CD2AP: variants seen among roughly 807,000 people sequenced by gnomAD.
CD2AP encodes the protein CD2 associated protein.
Under a neutral mutation model 85.1 loss-of-function variants are expected in CD2AP, and 46 were observed. The ratio of observed to expected loss-of-function variants is 0.54; its 90% CI spans 0.43 to 0.69. The LOEUF (loss-of-function observed/expected upper bound fraction) is 0.69. Among genes scored for constraint, CD2AP ranks in the 30% least tolerant of loss-of-function variants. The probability of loss-of-function intolerance (pLI) is 0.00; values close to 1 mark genes in which losing one functional copy is unlikely to be tolerated. For synonymous variants in CD2AP, 255 were observed against 252.9 expected, an observed-to-expected ratio of 1.01 and a Z score of -0.08; for missense variants, 769 against 729.5, an observed-to-expected ratio of 1.05 and a Z score of -0.62.
chr6:47,552,798 CTG>C (rs1767563214), intron 4 of CD2AP, among the ~76,000 whole-genome samples: 1 of 152,100 alleles, frequency 6.6e-6, no homozygotes, highest in African/African-American at 2.4e-5. Flanking sequence ...TTCTTTAAGT[CTG>C]ATAAAAATTC....
chr6:47,517,537 G>A (rs1256837893), intron 2 of CD2AP, among the ~76,000 whole-genome samples: 1 of 152,086 alleles, frequency 6.6e-6, no homozygotes, highest in Non-Finnish European at 1.5e-5. Context: ...TGATATGCCT[G>A]CCTTGACCTC....
intron 2 of CD2AP, among the ~76,000 whole-genome samples, chr6:47,505,843 C>G (rs1323877563): frequency 5.8e-3 from 666 of 113,948 alleles, no homozygotes; most frequent in Admixed American, 0.024. Flanking sequence ...GCTGTCCGGG[C>G]GGGGGGGCTG....
At position 47,533,666 on chromosome 6, in the gene CD2AP, A is replaced by G; in HGVS notation, c.230A>G (p.Asn77Ser). 3 of 1,614,142 alleles carry G rather than the reference A, an allele frequency of 1.9e-6. No individual in the cohort carries two copies. The highest frequency in any genetic ancestry group is 2.5e-6 in the Non-Finnish European group (3 of 1,179,998). ...SLPIKRERHG[N>S]VASLVQRIST... ...CCCATCAAACGGGAAAGGCATGGGA[A>G]TGTAGCAAGTCTTGTACAACGAATA... The change falls in exon 3 of 18, where the codon AAT (asparagine) becomes AGT (serine). Residue 77 changes from asparagine to serine, a missense_variant. Transcript: ENST00000359314.
chr6:47,520,291 A>T (rs567531431), intron 2 of CD2AP, among the ~76,000 whole-genome samples: 105 of 152,310 alleles, frequency 6.9e-4, no homozygotes, highest in African/African-American at 2.4e-3. Flanking sequence ...TATAACAGTC[A>T]ATATTGGTTG....
intron 17 of CD2AP, among the ~76,000 whole-genome samples, chr6:47,618,287 TCCAG>T (rs1370545768): frequency 6.6e-6 from 1 of 152,096 alleles, no homozygotes; most frequent in African/African-American, 2.4e-5. Context: ...GCCACTGCAC[TCCAG>T]CCTGGGTGAC....
chr6:47,478,119 T>G lies in CD2AP; in HGVS notation c.-126T>G. 2 of 1,268,788 alleles carry G rather than the reference T, an allele frequency of 1.6e-6. No homozygotes were observed. The highest frequency in any genetic ancestry group is 2.2e-6 in the Non-Finnish European group (2 of 894,380). The allele number at this position is 1,268,788 out of a possible 1,614,324, so 78.6% of individuals were successfully genotyped here. On this transcript the variant is annotated 5_prime_UTR_variant, in exon 1 of 18. The change abolishes the stop of an existing upstream ORF in the 5' untranslated region. Coordinates refer to ENST00000359314, the MANE Select transcript of CD2AP (RefSeq NM_012120.3). ...GATGGAGGCGACTCTTCGCCCCGCC[T>G]GAGCTCAGGAGGGGCTAGCGCGGAG...
chr6:47,504,243 C>T (rs1028804981), intron 2 of CD2AP, among the ~76,000 whole-genome samples: 12 of 152,238 alleles, frequency 7.9e-5, no homozygotes, highest in African/African-American at 2.7e-4. Context: ...TCCCTGGCCT[C>T]ATTAGATTAT....
chr6:47,488,139 T>A (rs1397166576), intron 1 of CD2AP, among the ~76,000 whole-genome samples: 1 of 151,980 alleles, frequency 6.6e-6, no homozygotes, highest in Non-Finnish European at 1.5e-5. Flanking sequence ...AAGCATCTTG[T>A]CAGGTGAATC....
chr6:47,618,271 T>C (rs1769650592), intron 17 of CD2AP, among the ~76,000 whole-genome samples: 1 of 152,088 alleles, frequency 6.6e-6, no homozygotes, highest in South Asian at 2.1e-4. Flanking sequence ...TGTGAGCCGA[T>C]ATCATGCCAC....
At chr6:47,531,865 G>A (rs1766887714) in intron 2 of CD2AP, among the ~76,000 whole-genome samples, 1 of 151,970 alleles carries the variant, frequency 6.6e-6, no homozygotes, top group Non-Finnish European at 1.5e-5. Flanking sequence ...CTGAGGTCAG[G>A]GGTTTGTGAC....
chr6:47,584,544 C>CGATT (rs1166932972), intron 11 of CD2AP, among the ~76,000 whole-genome samples: 3 of 151,972 alleles, frequency 2.0e-5, no homozygotes, highest in Non-Finnish European at 4.4e-5. Context: ...ACTGACCCCC[C>CGATT]GATTACATTT....
At chr6:47,551,178 A>G (rs1767510512) in intron 4 of CD2AP, among the ~76,000 whole-genome samples, 1 of 139,664 alleles carries the variant, frequency 7.2e-6, no homozygotes, top group Non-Finnish European at 1.6e-5. Flanking sequence ...CCAATAACCT[A>G]TGGAAATAAA....
chr6:47,552,620 G>A (rs1405639854), intron 4 of CD2AP, among the ~76,000 whole-genome samples: 1 of 152,102 alleles, frequency 6.6e-6, no homozygotes, highest in Non-Finnish European at 1.5e-5. Context: ...GTCTATTTTT[G>A]TGTATTTTTT....
At chr6:47,607,182 A>G (rs1031548305) in intron 14 of CD2AP, among the ~76,000 whole-genome samples, 57 of 152,150 alleles carry the variant, frequency 3.7e-4, no homozygotes, top group Non-Finnish European at 7.5e-4. Context: ...TATAGTTACC[A>G]CATTTTCTTT....
rs566154768 is a variant in CD2AP at position 47,587,185 on chromosome 6, G to A, written c.1108+5120G>A. On this transcript the variant is annotated intron_variant, in intron 11 of 17. Coordinates refer to ENST00000359314, the MANE Select transcript of CD2AP (RefSeq NM_012120.3). ...ATCATGGCTAGGACCAATTTGAAGC[G>A]TCTTAAGCCTTCCACCAAGGAAATA... Among the ~76,000 whole-genome samples, 9 of 152,238 alleles carry A rather than the reference G, an allele frequency of 5.9e-5. No homozygotes were observed. In the East Asian group the frequency reaches 9.7e-4, roughly 16 times the overall value.
intron 2 of CD2AP, among the ~76,000 whole-genome samples, chr6:47,522,811 A>G (rs776092446): frequency 1.2e-4 from 18 of 151,930 alleles, no homozygotes; most frequent in Non-Finnish European, 2.2e-4. Flanking sequence ...GCAGATTTCC[A>G]TAGTAAATAT....
At chr6:47,521,221 TA>T (rs1766582351) in intron 2 of CD2AP, among the ~76,000 whole-genome samples, 1 of 152,108 alleles carries the variant, frequency 6.6e-6, no homozygotes. Context: ...TTACTCAGTC[TA>T]AATACTCATA....
rs143776593 is a variant in CD2AP, at chr6:47,514,883, C to G, written c.165+11443C>G. 3.7e-4 allele frequency among the ~76,000 whole-genome samples: 56 copies of G among 152,172 alleles called. 1 individual carries two copies. In the East Asian group the frequency reaches 9.5e-3, roughly 26 times the overall value. ...CCTGGCCAACACGGTGAAACCCAGT[C>G]TCTACTAAAAGTACAAAAATTAGCC... On this transcript the variant is annotated intron_variant, in intron 2 of 17. Coordinates refer to ENST00000359314, the MANE Select transcript of CD2AP (RefSeq NM_012120.3).
chr6:47,574,089 A>G lies in CD2AP; in HGVS notation c.567A>G (p.Ser189=). 6.2e-7 allele frequency: 1 copy of G among 1,614,032 alleles called. No homozygotes were observed. The highest frequency in any genetic ancestry group is 8.5e-7 in the Non-Finnish European group (1 of 1,179,954). Residue 189 remains serine (S), a synonymous_variant, in exon 6 of 18, where the codon TCA becomes TCG. Coordinates refer to ENST00000359314, the MANE Select transcript of CD2AP (RefSeq NM_012120.3). The part of the protein sequence containing the change: ...DSETVLAGPT[S]PIPSLGNVSE... ...AAACTGTTTTGGCTGGGCCTACTTCACCTATACCTTCTCTGGGAAATGTGA... is the reference window on the plus strand; with the variant it reads ...AAACTGTTTTGGCTGGGCCTACTTCGCCTATACCTTCTCTGGGAAATGTGA...
Sources: allele counts gnomAD v4.1 joint callset (sites outside exome capture counted in the v4.1 genomes callset), GRCh38; gene constraint gnomAD v4.1.1; transcripts MANE v1.5; gene names NCBI Gene and HGNC (gene_info 2026-07-23, HGNC 2026-07-21).